Variants in UNC79 observed in about 807,000 individuals in gnomAD.
UNC79 encodes the protein unc-79 subunit of NALCN channel complex.
A neutral mutation model predicts 283.1 loss-of-function variants in UNC79; 37 were observed. The observed-to-expected ratio is 0.13, with a 90% CI of 0.10 to 0.17. UNC79 has a LOEUF of 0.17. UNC79 is among the 10% of genes least tolerant of loss of function. The pLI is 1.00. For missense variants in UNC79, 2,272 were observed against 3,211.1 expected, an observed-to-expected ratio of 0.71 and a Z score of 7.07; for synonymous variants, 1,107 against 1,200.2, an observed-to-expected ratio of 0.92 and a Z score of 1.61.
At chr14:93,548,415 T>C (rs927511254) in intron 14 of UNC79, among the ~76,000 whole-genome samples, 3 of 152,204 alleles carry the variant, frequency 2.0e-5, no homozygotes, top group African/African-American at 7.2e-5. Context: ...GGGACACAAA[T>C]ATTCAGACTG....
intron 1 of UNC79, among the ~76,000 whole-genome samples, chr14:93,453,338 CAT>C (rs1375915124): frequency 6.6e-6 from 1 of 152,156 alleles, no homozygotes; most frequent in Non-Finnish European, 1.5e-5. Context: ...AAGAATGATT[CAT>C]AGTTATCAGC....
rs546593708 is a variant in UNC79, at chr14:93,334,523, C to T, written c.-351+1000C>T. Reference sequence around the variant, plus strand: ...CCATCTAATTGGAGCCAATGATTACCTCTGAGTGTCCACCTCTTGTTCCAC... The same window carrying T: ...CCATCTAATTGGAGCCAATGATTACTTCTGAGTGTCCACCTCTTGTTCCAC... On this transcript the variant is annotated intron_variant, in intron 1 of 49. Transcript: ENST00000256339. 7 of 152,342 alleles carry T rather than the reference C, an allele frequency of 4.6e-5. No individual in the cohort carries two copies. In the South Asian group the frequency reaches 1.5e-3, roughly 32 times the overall value. The allele number at this position is 152,342 out of a possible 1,614,324, so 9.4% of individuals were successfully genotyped here. A position where few individuals can be genotyped will look rare whatever the true frequency, so the allele number is the denominator to read the frequency against.
intron 13 of UNC79, 78 bp downstream of exon 13, chr14:93,540,909 T>A: frequency 6.3e-7 from 1 of 1,585,916 alleles, no homozygotes; most frequent in South Asian, 1.1e-5. Context: ...TTTCTCCTGT[T>A]CTTTTAAAAG....
chr14:93,580,102 T>C (rs772076826), intron 18 of UNC79, 47 bp from the exon 19 acceptor site: 17 of 1,512,758 alleles, frequency 1.1e-5, no homozygotes, highest in Admixed American at 2.1e-5. Flanking sequence ...TCTTCTTCTT[T>C]TTTTTTTGTG....
intron 39 of UNC79, among the ~76,000 whole-genome samples, chr14:93,659,866 C>T (rs1290399623): frequency 2.0e-5 from 3 of 152,192 alleles, no homozygotes; most frequent in African/African-American, 4.8e-5. Context: ...ATGTTTTATG[C>T]CCTTGCTGGT....
intron 10 of UNC79, 66 bp downstream of exon 10, chr14:93,529,392 C>A: frequency 1.3e-6 from 2 of 1,536,604 alleles, no homozygotes; most frequent in Non-Finnish European, 1.8e-6. Context: ...TGCTTTATCT[C>A]CTTTTGTACT....
At chr14:93,443,492 C>G (rs1288019664) in intron 1 of UNC79, among the ~76,000 whole-genome samples, 2 of 148,996 alleles carry the variant, frequency 1.3e-5, no homozygotes, top group African/African-American at 2.5e-5. Flanking sequence ...GGCACAATCT[C>G]AGCTCGCTGC....
At chr14:93,533,875 A>T (rs2060942207) in intron 11 of UNC79, among the ~76,000 whole-genome samples, 1 of 152,192 alleles carries the variant, frequency 6.6e-6, no homozygotes. Flanking sequence ...TATGCTCACC[A>T]TTTTATATGA....
chr14:93,567,925 G>A (rs901473275), intron 14 of UNC79, among the ~76,000 whole-genome samples: 13 of 152,146 alleles, frequency 8.5e-5, no homozygotes, highest in East Asian at 1.9e-4. Context: ...CCAGAAAGGC[G>A]GGGACAACTC....
At chr14:93,580,986 G>A (rs910119026) in intron 19 of UNC79, among the ~76,000 whole-genome samples, 6 of 152,042 alleles carry the variant, frequency 3.9e-5, no homozygotes, top group African/African-American at 1.4e-4. Context: ...TGGGATTACA[G>A]GCATGAGCCA....
chr14:93,483,069 T>G (rs556326764), intron 4 of UNC79, among the ~76,000 whole-genome samples: 1 of 152,356 alleles, frequency 6.6e-6, no homozygotes, highest in South Asian at 2.1e-4. Flanking sequence ...CTTTATTCTC[T>G]GTCTTCAAAG....
At chr14:93,383,138 A>G (rs974651294) in intron 1 of UNC79, among the ~76,000 whole-genome samples, 2 of 152,340 alleles carry the variant, frequency 1.3e-5, no homozygotes, top group South Asian at 2.1e-4. Context: ...ATTAACTTTC[A>G]TATACTGGGA....
chr14:93,702,038 C>T lies in UNC79; in HGVS notation c.7549-2587C>T, dbSNP rs147265351. 1.4e-4 allele frequency among the ~76,000 whole-genome samples: 21 copies of T among 152,262 alleles called. No individual in the cohort carries two copies. The East Asian group carries it at 2.3e-3, about 17-fold the overall frequency. ...TGGGTATTTCCCAAATATCAAGAGG[C>T]GTATGGGCCCACTTCTGTATTAAAT... is the stretch of plus-strand genomic sequence containing the variant. On this transcript the variant is annotated intron_variant, in intron 47 of 48. Transcript: ENST00000555664.
At chr14:93,574,456 G>T (rs774233753) in intron 16 of UNC79, among the ~76,000 whole-genome samples, 1 of 152,152 alleles carries the variant, frequency 6.6e-6, no homozygotes, top group Non-Finnish European at 1.5e-5. Flanking sequence ...TCCTTTCTGC[G>T]TACTTCCTTT....
At chr14:93,486,961 G>A (rs1167819741) in intron 4 of UNC79, among the ~76,000 whole-genome samples, 1 of 152,064 alleles carries the variant, frequency 6.6e-6, no homozygotes, top group Non-Finnish European at 1.5e-5. Flanking sequence ...CAGCAACTGT[G>A]TTATTCACAG....
At chr14:93,444,846 C>T (rs1297463882) in intron 1 of UNC79, among the ~76,000 whole-genome samples, 1 of 152,094 alleles carries the variant, frequency 6.6e-6, no homozygotes, top group African/African-American at 2.4e-5. Flanking sequence ...ATTTAAAGTC[C>T]TTTGCTTTCT....
intron 1 of UNC79, among the ~76,000 whole-genome samples, chr14:93,452,603 G>A (rs367965904): frequency 6.6e-6 from 1 of 152,168 alleles, no homozygotes; most frequent in East Asian, 1.9e-4. Context: ...TGGACAGACT[G>A]GTCTCGACCC....
At chr14:93,412,022 G>A (rs1313583798) in intron 1 of UNC79, among the ~76,000 whole-genome samples, 14 of 152,200 alleles carry the variant, frequency 9.2e-5, no homozygotes, top group Non-Finnish European at 1.2e-4. Flanking sequence ...CTGTTTTGAG[G>A]AAACTCAAAG....
chr14:93,427,525 A>G (rs1273467785), upstream of UNC79, among the ~76,000 whole-genome samples: 1 of 152,166 alleles, frequency 6.6e-6, no homozygotes, highest in Non-Finnish European at 1.5e-5. Context: ...CAAAATTTCA[A>G]ACCCTTCAAT....
Sources: gnomAD v4.1 joint callset for allele counts (sites outside exome capture counted in the v4.1 genomes callset) on GRCh38, gnomAD v4.1.1 for gene constraint, MANE v1.5 for transcripts, NCBI Gene and HGNC (gene_info 2026-07-23, HGNC 2026-07-21) for gene names.